The following DEAF1 variants were observed in gnomAD, a reference collection of about 807,000 sequenced individuals.
The protein encoded by DEAF1 is deformed epidermal autoregulatory factor 1 homolog.
DEAF1 carries 53 observed loss-of-function variants against 58.9 expected under a neutral mutation model. That is an observed-to-expected ratio of 0.90 (90% CI 0.72 to 1.13). The LOEUF is 1.13. Ranked by LOEUF, DEAF1 falls within the 50% of genes most tolerant of loss-of-function variation. The probability of loss-of-function intolerance (pLI) is 0.00; values close to 1 mark genes in which losing one functional copy is unlikely to be tolerated. For synonymous variants in DEAF1, 385 were observed against 340.4 expected, an observed-to-expected ratio of 1.13 and a Z score of -1.44; for missense variants, 685 against 791.4, an observed-to-expected ratio of 0.87 and a Z score of 1.61.
intron 4 of DEAF1, 71 bp from the exon 5 acceptor site, chr11:687,068 C>T (rs148228650): frequency 2.7e-5 from 44 of 1,604,780 alleles, no homozygotes; most frequent in African/African-American, 4.0e-5. Flanking sequence ...TACCTCCTGG[C>T]GCCTCCTCAA....
rs140578328 is a variant in DEAF1 at position 649,797 on chromosome 11, G to A, written c.1593+4165C>T. On this transcript the variant is annotated intron_variant, in intron 11 of 11. Coordinates refer to ENST00000382409, the MANE Select transcript of DEAF1 (RefSeq NM_021008.4). ...TCTTAGAACTTTGGGAGGCTGAGGC[G>A]AGTGGATCACCTGAGGTCAGGAGTT... is the stretch of plus-strand genomic sequence containing the variant. Among the ~76,000 whole-genome samples, 574 of 152,110 alleles carry A rather than the reference G, an allele frequency of 3.8e-3. 2 individuals are homozygous for A. Among genetic ancestry groups the A allele is most frequent in the African/African-American group, 0.013 (547 of 41,484 alleles).
chr11:653,879 C>T lies in DEAF1; in HGVS notation c.1593+83G>A. 1.6e-6 allele frequency: 2 copies of T among 1,227,794 alleles called. 1 individual carries two copies. The highest frequency in any genetic ancestry group is 2.4e-5 in the South Asian group (2 of 83,202). The allele number at this position is 1,227,794 out of a possible 1,614,324, so 76.1% of individuals were successfully genotyped here. The stretch of plus-strand genomic sequence containing the variant: ...GGGGAGTCAGGTGTGGCACCAGGAG[C>T]ACAAGGGGAGGGAGGGCCACCCAGG... On this transcript the variant is annotated intron_variant, in intron 11 of 11. Transcript: ENST00000382409.
intron 10 of DEAF1, among the ~76,000 whole-genome samples, chr11:672,816 C>T (rs1462674270): frequency 6.6e-6 from 1 of 151,852 alleles, no homozygotes; most frequent in Non-Finnish European, 1.5e-5. Flanking sequence ...CCATTGCACT[C>T]CAGCCTGAGC....
intron 6 of DEAF1, among the ~76,000 whole-genome samples, chr11:683,924 C>T (rs913920232): frequency 6.6e-6 from 1 of 152,144 alleles, no homozygotes; most frequent in African/African-American, 2.4e-5. Flanking sequence ...CCAATGGGAC[C>T]GACGTCTCCT....
chr11:700,026 T>C, upstream of DEAF1: 1 of 768,744 alleles, frequency 1.3e-6, no homozygotes. Context: ...CAAGACTCCA[T>C]GGTCCCTTGG....
chr11:684,793 G>T, intron 6 of DEAF1, 105 bp downstream of exon 6: 1 of 960,700 alleles, frequency 1.0e-6, no homozygotes, highest in Non-Finnish European at 1.6e-6. Context: ...TCTCTCCAAG[G>T]CAGAGGGCAG....
rs776880487 is a variant in DEAF1, at chr11:644,891, G to A, written c.1594-237C>T. ...AAAAGGCAAACAACAGGCAGGGCAC[G>A]GTGGCTCACGCCTGTAATCCCAACA... On this transcript the variant is annotated intron_variant, in intron 11 of 11. Coordinates refer to ENST00000382409, the MANE Select transcript of DEAF1 (RefSeq NM_021008.4). This position sits in a 1 kb window ranked among gnomAD's most constrained non-coding sequence, Gnocchi z 4.3. 2.6e-5 allele frequency among the ~76,000 whole-genome samples: 4 copies of A among 152,150 alleles called. No individual in the cohort carries two copies. Among genetic ancestry groups the A allele is most frequent in the Non-Finnish European group, 5.9e-5 (4 of 68,020 alleles).
chr11:657,649 G>T (rs1441898687), intron 10 of DEAF1, among the ~76,000 whole-genome samples: 2 of 152,186 alleles, frequency 1.3e-5, no homozygotes, highest in Non-Finnish European at 2.9e-5. Context: ...TGGTGAGGAA[G>T]GTCAGAGCTG....
intron 10 of DEAF1, chr11:654,755 G>A (rs1858965190): frequency 5.0e-6 from 2 of 403,424 alleles, no homozygotes; most frequent in East Asian, 7.3e-5. Flanking sequence ...TGTAATCCCA[G>A]CTACCTGGGA....
chr11:688,412 C>T lies in DEAF1; in HGVS notation c.436G>A (p.Ala146Thr). ...QIGDSLNTEK[A>T]TLIVVHTDGS... is the part of the protein sequence containing the mutation. ...TCTGTGTGGACGACAATCAGTGTCG[C>T]TTTTTCGGTGTTCAGGCTGTCCCCG... The change falls in exon 3 of 12, where the codon GCG (alanine) becomes ACG (threonine). Residue 146 changes from alanine to threonine, a missense_variant. Physicochemically the swap from Ala to Thr is moderately conservative, Grantham distance 58. Coordinates refer to ENST00000382409, the MANE Select transcript of DEAF1 (RefSeq NM_021008.4). This position sits in a 1 kb window ranked among gnomAD's most constrained non-coding sequence, Gnocchi z 4.3. 1 of 1,613,974 alleles carries T rather than the reference C, an allele frequency of 6.2e-7. No individual in the cohort carries two copies. The highest frequency in any genetic ancestry group is 1.1e-5 in the South Asian group (1 of 91,080).
chr11:648,342 C>T (rs1168489669), intron 11 of DEAF1, among the ~76,000 whole-genome samples: 1 of 152,016 alleles, frequency 6.6e-6, no homozygotes, highest in Non-Finnish European at 1.5e-5. Flanking sequence ...CTACAGGCGC[C>T]CACCACCACG....
chr11:703,501 G>A, intron 1 of DEAF1: 1 of 1,254,094 alleles, frequency 8.0e-7, no homozygotes, highest in African/African-American at 1.5e-5. Context: ...GGAGGACAGA[G>A]CCCTTCAGAA....
chr11:674,274 C>T (rs913218530), intron 10 of DEAF1: 14 of 488,974 alleles, frequency 2.9e-5, no homozygotes, highest in Non-Finnish European at 4.5e-5. Flanking sequence ...GTATTCACAA[C>T]GGCCGATGCG....
rs1243306557 is a variant in DEAF1 at position 694,979 on chromosome 11, G to A, written c.69C>T (p.Ala23=). The part of the protein sequence containing the change: ...LAEAAAVAAA[A]AVAAAAAAAA... Reference sequence around the variant, plus strand: ...CGGCCGCGGCCGCCGCCGCCACAGCGGCCGCGGCCGCCACCGCCGCCGCCT... The same window carrying A: ...CGGCCGCGGCCGCCGCCGCCACAGCAGCCGCGGCCGCCACCGCCGCCGCCT... The change falls in exon 1 of 12, where the codon GCC becomes GCT. Residue 23 remains alanine (A), a synonymous_variant. Coordinates refer to ENST00000382409, the MANE Select transcript of DEAF1 (RefSeq NM_021008.4). 1.9e-6 allele frequency: 2 copies of A among 1,075,610 alleles called. No homozygotes were observed. The highest frequency in any genetic ancestry group is 3.5e-5 in the South Asian group (1 of 28,672). The allele number at this position is 1,075,610 out of a possible 1,614,324, so 66.6% of individuals were successfully genotyped here.
chr11:670,264 C>T (rs554563566), intron 10 of DEAF1, among the ~76,000 whole-genome samples: 3 of 152,036 alleles, frequency 2.0e-5, no homozygotes, highest in Non-Finnish European at 4.4e-5. Flanking sequence ...ACCTCAATTA[C>T]CAAAAAAGAC....
chr11:705,958 T>G (rs1303633891), intron 1 of DEAF1, among the ~76,000 whole-genome samples: 1 of 152,166 alleles, frequency 6.6e-6, no homozygotes, highest in African/African-American at 2.4e-5. Context: ...CTCTAGGGGC[T>G]AGGCCCGCGG....
At chr11:667,428 G>A (rs1455886701) in intron 10 of DEAF1, among the ~76,000 whole-genome samples, 3 of 148,480 alleles carry the variant, frequency 2.0e-5, no homozygotes, top group Non-Finnish European at 4.4e-5. Context: ...AGGAGGAAAA[G>A]AGGAAAGGAA....
intron 4 of DEAF1, among the ~76,000 whole-genome samples, chr11:687,680 G>T (rs1455167000): frequency 6.6e-6 from 1 of 152,092 alleles, no homozygotes; most frequent in African/African-American, 2.4e-5. Context: ...TGTATTTTTA[G>T]TAGAGACGGG....
upstream of DEAF1, among the ~76,000 whole-genome samples, chr11:698,267 G>A (rs1861289560): frequency 6.6e-6 from 1 of 152,018 alleles, no homozygotes; most frequent in African/African-American, 2.4e-5. Flanking sequence ...GGAGGAAAGA[G>A]ACTCCACTCA....
Sources: allele counts gnomAD v4.1 joint callset (sites outside exome capture counted in the v4.1 genomes callset), GRCh38; gene constraint gnomAD v4.1.1; non-coding constraint Gnocchi (gnomAD v3.1); transcripts MANE v1.5; gene names NCBI Gene and HGNC (gene_info 2026-07-23, HGNC 2026-07-21).